ITK: variants seen among roughly 807,000 people sequenced by gnomAD.
ITK encodes the protein IL2 inducible T cell kinase, also known as tyrosine-protein kinase ITK/TSK.
ITK carries 45 observed loss-of-function variants against 87.6 expected under a neutral mutation model. The ratio of observed to expected loss-of-function variants is 0.51; its 90% CI spans 0.40 to 0.66. The LOEUF is 0.66. ITK is among the 30% of genes least tolerant of loss of function. The pLI is 0.00. For synonymous variants in ITK, 303 were observed against 273.6 expected (o/e 1.11, Z -1.06); for missense variants, 605 against 766.3 (o/e 0.79, Z 2.48).
intron 1 of ITK, among the ~76,000 whole-genome samples, chr5:157,190,651 G>A (rs1390993164): frequency 1.3e-5 from 2 of 152,240 alleles, no homozygotes; most frequent in Non-Finnish European, 2.9e-5. Flanking sequence ...AGCCACTCTG[G>A]CTGAACTGGG....
intron 5 of ITK, among the ~76,000 whole-genome samples, chr5:157,218,875 A>C (rs920963289): frequency 1.3e-5 from 2 of 152,166 alleles, no homozygotes; most frequent in African/African-American, 4.8e-5. Flanking sequence ...CCCCACCCCC[A>C]GACCTGCTGT....
At position 157,248,547 on chromosome 5, in the gene ITK, C is replaced by G. The variant is rs554311965; in HGVS notation, c.1634-303C>G. On this transcript the variant is annotated intron_variant, in intron 15 of 16. Coordinates refer to ENST00000422843, the MANE Select transcript of ITK (RefSeq NM_005546.4). ...CTCCCCAATCCCAATAGTGTCACACCTCCTGCACTCCATTCATTTACATCC... is the reference window on the plus strand; with the variant it reads ...CTCCCCAATCCCAATAGTGTCACACGTCCTGCACTCCATTCATTTACATCC... Among the ~76,000 whole-genome samples the G allele has an allele frequency of 1.4e-4, 22 of 152,292 alleles. No homozygotes were observed. The East Asian group carries it at 2.1e-3, about 15-fold the overall frequency.
At chr5:157,185,505 G>T (rs1354646046) in intron 1 of ITK, among the ~76,000 whole-genome samples, 1 of 152,012 alleles carries the variant, frequency 6.6e-6, no homozygotes, top group East Asian at 1.9e-4. Flanking sequence ...CTCCCAAAGT[G>T]CTGGGATTAC....
chr5:157,219,667 G>A (rs888020003), intron 5 of ITK, among the ~76,000 whole-genome samples: 2 of 152,194 alleles, frequency 1.3e-5, no homozygotes, highest in Non-Finnish European at 2.9e-5. Flanking sequence ...AACTGTAGCA[G>A]AGAATGAGCT....
intron 16 of ITK, among the ~76,000 whole-genome samples, chr5:157,249,539 C>G (rs1281269687): frequency 6.6e-6 from 1 of 152,210 alleles, no homozygotes; most frequent in African/African-American, 2.4e-5. Context: ...GAGTCTTAGT[C>G]TTTGCTGTCT....
At chr5:157,217,989 C>G in intron 5 of ITK, 82 bp downstream of exon 5, 1 of 1,227,802 alleles carries the variant, frequency 8.1e-7, no homozygotes, top group South Asian at 1.2e-5. Flanking sequence ...GTCCCCCTCT[C>G]CCCATAGTTT....
At chr5:157,216,124 C>T (rs1264082098) in intron 4 of ITK, among the ~76,000 whole-genome samples, 4 of 152,210 alleles carry the variant, frequency 2.6e-5, no homozygotes, top group African/African-American at 9.7e-5. Flanking sequence ...ACTCTACCCT[C>T]TTCTGATTTG....
At chr5:157,186,709 A>AGAGC (rs1491336599) in intron 1 of ITK, among the ~76,000 whole-genome samples, 1 of 149,762 alleles carries the variant, frequency 6.7e-6, no homozygotes, top group African/African-American at 2.5e-5. Context: ...AGAGAGAGAG[A>AGAGC]GCCTTGGCAA....
At chr5:157,215,244 C>T (rs1754275931) in intron 4 of ITK, among the ~76,000 whole-genome samples, 1 of 152,166 alleles carries the variant, frequency 6.6e-6, no homozygotes, top group African/African-American at 2.4e-5. Flanking sequence ...TTCCATTTTC[C>T]TCTCTTCTCA....
In ITK at chr5:157,254,173, G is replaced by A; in HGVS notation, c.*1495G>A. The A allele has an allele frequency of 4.4e-6, 1 of 229,644 alleles. No individual in the cohort carries two copies. The highest frequency in any genetic ancestry group is 8.6e-6 in the Non-Finnish European group (1 of 115,820). 14.2% of individuals were successfully genotyped at this position (229,644 alleles called of 1,614,324 possible). On this transcript the variant is annotated 3_prime_UTR_variant, in exon 17 of 17. Transcript: ENST00000422843. ...AATACAAAGATGGAAAGCCAGTAAAGAAGTCAGTATAGAACCACTAGCGAA... is the reference window on the plus strand; with the variant it reads ...AATACAAAGATGGAAAGCCAGTAAAAAAGTCAGTATAGAACCACTAGCGAA...
rs1169095482 is a variant in ITK, at chr5:157,254,324, A to G, written c.*1646A>G. 4.4e-6 allele frequency: 1 copy of G among 226,090 alleles called. No individual in the cohort carries two copies. Among genetic ancestry groups the G allele is most frequent in the Non-Finnish European group, 8.8e-6 (1 of 113,742 alleles). 14.0% of individuals were successfully genotyped at this position (226,090 alleles called of 1,614,324 possible). On this transcript the variant is annotated 3_prime_UTR_variant, in exon 17 of 17. Transcript: ENST00000422843. ...TAATGACTTTGGAGTTATTCAGTTA[A>G]TGACCCTTTAATTCTCACAACCAAC...
intron 9 of ITK, among the ~76,000 whole-genome samples, chr5:157,239,137 A>G (rs753239600): frequency 6.7e-6 from 1 of 150,150 alleles, no homozygotes; most frequent in Non-Finnish European, 1.5e-5. Context: ...GGGATGAAAC[A>G]AAGTCTGTGT....
At chr5:157,218,533 G>T (rs914108928) in intron 5 of ITK, among the ~76,000 whole-genome samples, 1 of 150,924 alleles carries the variant, frequency 6.6e-6, no homozygotes, top group Non-Finnish European at 1.5e-5. Flanking sequence ...AAAAAACAAG[G>T]TGCACATCTA....
chr5:157,200,346 A>T (rs4704739), intron 1 of ITK, among the ~76,000 whole-genome samples: 69,914 of 152,046 alleles, frequency 0.46, 16,045 homozygotes, highest in African/African-American at 0.5. Flanking sequence ...CAGACAGAAT[A>T]ACAAGTAAGA....
chr5:157,241,623 T>C (rs764422702), intron 10 of ITK, 23 bp from the exon 11 acceptor site: 2 of 1,595,240 alleles, frequency 1.3e-6, no homozygotes, highest in South Asian at 2.2e-5. Context: ...AACCACTGCT[T>C]CTTGGCTTTT....
intron 13 of ITK, chr5:157,244,903 T>G: frequency 3.9e-6 from 1 of 259,208 alleles, no homozygotes; most frequent in Non-Finnish European, 7.7e-6. Flanking sequence ...TTTAACACAT[T>G]CCCCGTATGA....
At chr5:157,213,616 A>G in intron 3 of ITK, 1 of 449,948 alleles carries the variant, frequency 2.2e-6, no homozygotes, top group Non-Finnish European at 4.4e-6. Context: ...TCCTGGACTC[A>G]AGTGATCCTC....
chr5:157,187,085 T>A (rs1320487933), intron 1 of ITK, among the ~76,000 whole-genome samples: 1 of 152,242 alleles, frequency 6.6e-6, no homozygotes, highest in East Asian at 1.9e-4. Flanking sequence ...CGTTAAAGCC[T>A]CCGTTTTAAG....
At chr5:157,227,440 C>T (rs1306203331) in intron 6 of ITK, among the ~76,000 whole-genome samples, 1 of 152,050 alleles carries the variant, frequency 6.6e-6, no homozygotes, top group Non-Finnish European at 1.5e-5. Context: ...TCCTTTTTTT[C>T]TCGTGTTTAT....
Sources: allele counts gnomAD v4.1 joint callset (sites outside exome capture counted in the v4.1 genomes callset), GRCh38; gene constraint gnomAD v4.1.1; transcripts MANE v1.5; gene names NCBI Gene and HGNC (gene_info 2026-07-23, HGNC 2026-07-21).